The following STX16 variants were observed in gnomAD, a reference collection of about 807,000 sequenced individuals.
STX16 encodes the protein syntaxin-16.
STX16 carries 28 observed loss-of-function variants against 42.7 expected under a neutral mutation model. That is an observed-to-expected ratio of 0.66 (90% CI 0.49 to 0.90). STX16 has a LOEUF of 0.90. STX16 is among the 40% of genes least tolerant of loss of function. The probability of loss-of-function intolerance (pLI) is 0.00; values close to 1 mark genes in which losing one functional copy is unlikely to be tolerated. For synonymous variants in STX16, 156 were observed against 155.2 expected, an observed-to-expected ratio of 1.00 and a Z score of -0.04; for missense variants, 361 against 420.9, an observed-to-expected ratio of 0.86 and a Z score of 1.24.
chr20:58,657,234 T>TGGAAAATTA lies in STX16; in HGVS notation c.133-2388_133-2387insGAAAATTAG, dbSNP rs2083604795. Among the ~76,000 whole-genome samples, 1 of 152,276 alleles carries TGGAAAATTA rather than the reference T, an allele frequency of 6.6e-6. No individual in the cohort carries two copies. The highest frequency in any genetic ancestry group is 1.5e-5 in the Non-Finnish European group (1 of 68,050). Reference sequence around the variant, plus strand: ...TCTAAGTTTTAGTACAAGCTGAGTCTGTTGGAAAATTAGTTCTCTGTCTTT... The same window carrying TGGAAAATTA: ...TCTAAGTTTTAGTACAAGCTGAGTCTGGAAAATTAGTTGGAAAATTAGTTCTCTGTCTTT... On this transcript the variant is annotated intron_variant, in intron 1 of 8. Transcript: ENST00000371141. The surrounding 1 kb of genome is among the most constrained non-coding windows in gnomAD (Gnocchi z 4.2).
rs142560013 is a variant in STX16 at position 58,652,112 on chromosome 20, C to A, written c.106C>A (p.Pro36Thr). 1,426 of 1,614,172 alleles carry A rather than the reference C, an allele frequency of 8.8e-4. 1 individual carries two copies. Among genetic ancestry groups the A allele is most frequent in the Non-Finnish European group, 1.1e-3 (1,278 of 1,180,032 alleles). The change falls in exon 1 of 9, where the codon CCT (proline) becomes ACT (threonine). Residue 36 changes from proline (P) to threonine (T), a missense_variant. Coordinates refer to ENST00000371141, the MANE Select transcript of STX16 (RefSeq NM_001001433.3). ...AGTGAGTAGTCACATCACCTCCAGC[C>A]CTCTGCATTCACGTAGCATTGCTGC... ...EQVSSHITSSPLHSRSIAAEL... is the reference protein window; with the variant it reads ...EQVSSHITSSTLHSRSIAAEL...
chr20:58,670,384 C>T lies in STX16; in HGVS notation c.557-128C>T, dbSNP rs144354852. 618 of 694,036 alleles carry T rather than the reference C, an allele frequency of 8.9e-4. 3 individuals carry two copies. Among genetic ancestry groups the T allele is most frequent in the East Asian group, 6.0e-3 (219 of 36,246 alleles). 43.0% of individuals were successfully genotyped at this position (694,036 alleles called of 1,614,324 possible). A position where few individuals can be genotyped will look rare whatever the true frequency, so the allele number is the denominator to read the frequency against. ...CTCCACCCCCATTGGAGATAGGCTT[C>T]TTTAAAGCGGCTAAGAATATCTCAA... On this transcript the variant is annotated intron_variant, in intron 5 of 8. Coordinates refer to ENST00000371141, the MANE Select transcript of STX16 (RefSeq NM_001001433.3).
chr20:58,667,670 C>A, intron 3 of STX16, 73 bp downstream of exon 3: 2 of 1,342,324 alleles, frequency 1.5e-6, no homozygotes, highest in South Asian at 2.4e-5. Context: ...AGATATCTGT[C>A]ATATAAACGA....
At position 58,657,414 on chromosome 20, in the gene STX16, TA is replaced by T. The variant is rs1163693900; in HGVS notation, c.133-2206del. Among the ~76,000 whole-genome samples the T allele has an allele frequency of 6.6e-6, 1 of 152,210 alleles. No individual in the cohort carries two copies. The highest frequency in any genetic ancestry group is 1.5e-5 in the Non-Finnish European group (1 of 68,026). On this transcript the variant is annotated intron_variant, in intron 1 of 8. Coordinates refer to ENST00000371141, the MANE Select transcript of STX16 (RefSeq NM_001001433.3). This position sits in a 1 kb window ranked among gnomAD's most constrained non-coding sequence, Gnocchi z 4.2. Reference sequence around the variant, plus strand: ...ACTTTTATTTTGGCAGTAACGGAAATAAAGTAAATATCACTATAGCATAGAC... The same window carrying T: ...ACTTTTATTTTGGCAGTAACGGAAATAAGTAAATATCACTATAGCATAGAC...
In STX16 at chr20:58,672,130, C is replaced by T. The variant is rs6026439; in HGVS notation, c.792+833C>T. Among the ~76,000 whole-genome samples the T allele has an allele frequency of 6.6e-3, 1,009 of 152,076 alleles. 4 individuals are homozygous for T. Among genetic ancestry groups the T allele is most frequent in the Middle Eastern group, 0.044 (13 of 294 alleles). ...CATGGATCACCTGAGGTCAGCAGTT[C>T]GAGACCAGCGCGGTCAACATGGTGA... is the stretch of plus-strand genomic sequence containing the variant. On this transcript the variant is annotated intron_variant, in intron 7 of 8. Coordinates refer to ENST00000371141, the MANE Select transcript of STX16 (RefSeq NM_001001433.3).
At chr20:58,669,995 C>T (rs189668885) in intron 5 of STX16, among the ~76,000 whole-genome samples, 5 of 152,288 alleles carry the variant, frequency 3.3e-5, no homozygotes, top group Admixed American at 2.0e-4. Context: ...TTCTAATCAC[C>T]CTGTAAACTG....
chr20:58,669,751 T>C (rs1427729297), intron 5 of STX16, among the ~76,000 whole-genome samples: 5 of 152,206 alleles, frequency 3.3e-5, no homozygotes, highest in Non-Finnish European at 7.4e-5. Context: ...CAAGCACATT[T>C]TAAAAACCTG....
In STX16 at chr20:58,671,291, A is replaced by G; in HGVS notation, c.786A>G (p.Val262=). The change falls in exon 7 of 9, where the codon GTA becomes GTG. Residue 262 remains valine, a synonymous_variant. Coordinates refer to ENST00000371141, the MANE Select transcript of STX16 (RefSeq NM_001001433.3). ...TCAGGGACTTAGGGGCGATGATTGT[A>G]GAACAGGTACGTGAGCTGGCCTTCC... ...EIFRDLGAMI[V]EQGTVLDRID... is the part of the protein sequence containing the mutation. 1 of 1,610,272 alleles carries G rather than the reference A, an allele frequency of 6.2e-7. No individual in the cohort carries two copies. The highest frequency in any genetic ancestry group is 8.5e-7 in the Non-Finnish European group (1 of 1,177,376).
Position 58,673,580 on chromosome 20 carries a change from G to C in STX16, c.793-51G>C. 3 of 1,284,862 alleles carry C rather than the reference G, an allele frequency of 2.3e-6. No individual in the cohort carries two copies. In the South Asian group the frequency reaches 3.6e-5, roughly 16 times the overall value. 79.6% of individuals were successfully genotyped at this position (1,284,862 alleles called of 1,614,324 possible). On this transcript the variant is annotated intron_variant, in intron 7 of 8. Coordinates refer to ENST00000371141, the MANE Select transcript of STX16 (RefSeq NM_001001433.3). ...TTGCATATCTCATTTTTGACGTTCA[G>C]TTTTCCCAGTTGCTATTGTTGATTG...
Position 58,651,680 on chromosome 20 carries a change from A to T in STX16, c.-327A>T, listed in dbSNP as rs1164521430. 3.8e-6 allele frequency: 1 copy of T among 264,866 alleles called. No individual in the cohort carries two copies. The highest frequency in any genetic ancestry group is 7.4e-6 in the Non-Finnish European group (1 of 134,356). 16.4% of individuals were successfully genotyped at this position (264,866 alleles called of 1,614,324 possible). ...GTCTAGAGCCGGATTGGCGAGTTAG[A>T]CGCTTGTAGATCCAAGGTTGGATTG... On this transcript the variant is annotated 5_prime_UTR_variant, in exon 1 of 9. Transcript: ENST00000371141.
In STX16 at chr20:58,668,031, G is replaced by T; in HGVS notation, c.297G>T (p.Leu99Phe). Residue 99 changes from leucine (L) to phenylalanine (F), a missense_variant, in exon 4 of 9, where the codon TTG becomes TTT. Physicochemically the swap from Leu to Phe is conservative, Grantham distance 22. Coordinates refer to ENST00000371141, the MANE Select transcript of STX16 (RefSeq NM_001001433.3). The stretch of plus-strand genomic sequence containing the variant: ...GGATTAAGCAGAAGATGAAAGAATT[G>T]GCCAGCCTTCATGACAAGCATTTAA... ...VGRIKQKMKELASLHDKHLNR... is the reference protein window; with the variant it reads ...VGRIKQKMKEFASLHDKHLNR... The T allele has an allele frequency of 6.2e-7, 1 of 1,614,190 alleles. No homozygotes were observed. Among genetic ancestry groups the T allele is most frequent in the Non-Finnish European group, 8.5e-7 (1 of 1,180,032 alleles).
At position 58,668,047 on chromosome 20, in the gene STX16, A is replaced by G; in HGVS notation, c.313A>G (p.Lys105Glu). Residue 105 changes from lysine (K) to glutamate (E), a missense_variant, in exon 4 of 9, where the codon AAG (lysine) becomes GAG (glutamate). Coordinates refer to ENST00000371141, the MANE Select transcript of STX16 (RefSeq NM_001001433.3). ...GAAAGAATTGGCCAGCCTTCATGAC[A>G]AGCATTTAAACAGACCCACCCTGGA... The part of the protein sequence containing the change: ...KMKELASLHD[K>E]HLNRPTLDDS... 6.2e-7 allele frequency: 1 copy of G among 1,614,226 alleles called. No homozygotes were observed. Among genetic ancestry groups the G allele is most frequent in the Non-Finnish European group, 8.5e-7 (1 of 1,180,042 alleles).
chr20:58,654,646 G>T (rs2083547895), intron 1 of STX16, among the ~76,000 whole-genome samples: 1 of 152,142 alleles, frequency 6.6e-6, no homozygotes, highest in South Asian at 2.1e-4. Context: ...TTAAAGCCTT[G>T]TTTCTGACTT....
chr20:58,667,483 C>G lies in STX16; in HGVS notation c.145-7C>G, dbSNP rs373134386. On this transcript the variant is annotated splice_region_variant and splice_polypyrimidine_tract_variant and intron_variant, in intron 2 of 8. Transcript: ENST00000371141. ...AATTTTTTTCATGTCCCTTTACTTT[C>G]CTGTAGCTTGCTGATGACCGTATGG... 17 of 1,613,276 alleles carry G rather than the reference C, an allele frequency of 1.1e-5. No individual in the cohort carries two copies. In the African/African-American group the frequency reaches 1.7e-4, roughly 16 times the overall value.
chr20:58,670,640 G>A (rs1431012375), intron 6 of STX16, 37 bp downstream of exon 6: 2 of 1,550,088 alleles, frequency 1.3e-6, no homozygotes, highest in Admixed American at 1.7e-5. Context: ...TGCTGTGTCT[G>A]TGCACCCCAT....
chr20:58,673,524 ACAT>A (rs2084031934), intron 7 of STX16, 104 bp from the exon 8 acceptor site: 4 of 761,930 alleles, frequency 5.2e-6, no homozygotes, highest in Non-Finnish European at 8.9e-6. Flanking sequence ...GGGAAGGAAA[ACAT>A]CATCTTATGG....
In STX16 at chr20:58,669,295, T is replaced by A. The variant is rs766852623; in HGVS notation, c.398T>A (p.Phe133Tyr). 1.2e-6 allele frequency: 2 copies of A among 1,610,572 alleles called. No homozygotes were observed. Residue 133 changes from phenylalanine to tyrosine, a missense_variant, in exon 5 of 9, where the codon TTC becomes TAC. Physicochemically the swap from Phe to Tyr is conservative, Grantham distance 22 (BLOSUM62 3). Transcript: ENST00000371141. ...GCCTCGGGCTTGTTCTCTTAGCTCT[T>A]CCACAGGTGCCAGCGTGCCGTGCAG... Reference protein sequence around the residue: ...EITTQEITQLFHRCQRAVQAL... With the variant: ...EITTQEITQLYHRCQRAVQAL...
intron 1 of STX16, among the ~76,000 whole-genome samples, chr20:58,653,343 C>T (rs1040377500): frequency 6.6e-6 from 1 of 152,100 alleles, no homozygotes; most frequent in African/African-American, 2.4e-5. Context: ...ACAGTTTCTC[C>T]TTTTTGTAAG....
At chr20:58,671,049 C>A in intron 6 of STX16, 105 bp from the exon 7 acceptor site, 1 of 1,167,552 alleles carries the variant, frequency 8.6e-7, no homozygotes, top group Admixed American at 2.6e-5. Context: ...AATTCATTTT[C>A]TTTAAATTAT....
Sources: allele counts gnomAD v4.1 joint callset (sites outside exome capture counted in the v4.1 genomes callset), GRCh38; gene constraint gnomAD v4.1.1; non-coding constraint Gnocchi (gnomAD v3.1); transcripts MANE v1.5; gene names NCBI Gene and HGNC (gene_info 2026-07-23, HGNC 2026-07-21).